FRAS1: variants seen among roughly 807,000 people sequenced by gnomAD.
The protein encoded by FRAS1 is extracellular matrix organizing protein FRAS1.
A neutral mutation model predicts 435.2 loss-of-function variants in FRAS1; 290 were observed. The observed-to-expected ratio is 0.67, with a 90% CI of 0.61 to 0.73. FRAS1 has a LOEUF of 0.73. Ranked by LOEUF, FRAS1 falls within the 30% of genes least tolerant of loss-of-function variation. FRAS1 has a pLI of 0.00. For missense variants in FRAS1, 4,860 were observed against 5,001.5 expected (o/e 0.97, Z 0.85); for synonymous variants, 1,800 against 1,851.0 (o/e 0.97, Z 0.71).
chr4:78,389,199 G>T (rs964710976), intron 29 of FRAS1, among the ~76,000 whole-genome samples: 3 of 152,218 alleles, frequency 2.0e-5, no homozygotes, highest in Non-Finnish European at 2.9e-5. Context: ...CCTTTACTCA[G>T]TTGCATCAAG....
intron 2 of FRAS1, among the ~76,000 whole-genome samples, chr4:78,120,675 C>G (rs1718959146): frequency 6.6e-6 from 1 of 152,116 alleles, no homozygotes; most frequent in Admixed American, 6.6e-5. Flanking sequence ...AGGATTATTT[C>G]AATGAAGGAT....
At chr4:78,375,691 C>T (rs372721551) in intron 25 of FRAS1, 48 bp from the exon 26 acceptor site, 58 of 1,494,052 alleles carry the variant, frequency 3.9e-5, no homozygotes, top group Non-Finnish European at 5.1e-5. Context: ...TTCTTTGTCG[C>T]TGGTGTTGCC....
intron 27 of FRAS1, 84 bp downstream of exon 27, chr4:78,380,080 C>A (rs1279217901): frequency 2.1e-6 from 3 of 1,443,094 alleles, no homozygotes; most frequent in Non-Finnish European, 2.8e-6. Flanking sequence ...GCCTCTCTGT[C>A]TCAATAGCTA....
Position 78,383,012 on chromosome 4 carries a change from G to A in FRAS1, c.3564-1047G>A, listed in dbSNP as rs9996389. Reference sequence around the variant, plus strand: ...CTTCTAAAGAACTTTTAAAACAATGGTCCCTCTAGTAGACTAGAATTCAAA... The same window carrying A: ...CTTCTAAAGAACTTTTAAAACAATGATCCCTCTAGTAGACTAGAATTCAAA... On this transcript the variant is annotated intron_variant, in intron 27 of 73. Coordinates refer to ENST00000512123, the MANE Select transcript of FRAS1 (RefSeq NM_025074.7). 2.9e-3 allele frequency among the ~76,000 whole-genome samples: 438 copies of A among 152,180 alleles called. 2 individuals carry two copies. The highest frequency in any genetic ancestry group is 5.4e-3 in the Non-Finnish European group (368 of 68,008).
chr4:78,411,398 C>G (rs1467702118), intron 31 of FRAS1, among the ~76,000 whole-genome samples: 3 of 152,084 alleles, frequency 2.0e-5, no homozygotes, highest in Non-Finnish European at 4.4e-5. Context: ...AGGCGTGAGC[C>G]ACCCCGTCCA....
chr4:78,072,639 AC>A (rs1278014858), intron 2 of FRAS1, among the ~76,000 whole-genome samples: 1 of 152,018 alleles, frequency 6.6e-6, no homozygotes. Context: ...ATTTCTTAAT[AC>A]CCTTGTATTG....
At chr4:78,148,138 G>A (rs548979117) in intron 2 of FRAS1, among the ~76,000 whole-genome samples, 1 of 151,982 alleles carries the variant, frequency 6.6e-6, no homozygotes, top group African/African-American at 2.4e-5. Flanking sequence ...TGGGATTGTT[G>A]ATTTTTTTTT....
intron 7 of FRAS1, among the ~76,000 whole-genome samples, chr4:78,265,964 C>A (rs1269029510): frequency 6.6e-6 from 1 of 152,156 alleles, no homozygotes. Context: ...TGCTGCCTGA[C>A]ACAGTGGCCA....
rs141167149 is a variant in FRAS1 at position 78,319,644 on chromosome 4, A to T, written c.2137+658A>T. On this transcript the variant is annotated intron_variant, in intron 18 of 73. Transcript: ENST00000512123. ...ATGTTCATTAAAAAAATTTTATAAT[A>T]CACCCACTACCTAAACCCAATTGCC... 1.9e-3 allele frequency: 561 copies of T among 290,352 alleles called. 4 individuals carry two copies. Among genetic ancestry groups the T allele is most frequent in the African/African-American group, 0.011 (522 of 46,078 alleles). 18.0% of individuals were successfully genotyped at this position (290,352 alleles called of 1,614,324 possible).
rs117698132 is a variant in FRAS1 at position 78,514,244 on chromosome 4, C to T, written c.10174+692C>T. Among the ~76,000 whole-genome samples, 29 of 152,334 alleles carry T rather than the reference C, an allele frequency of 1.9e-4. No homozygotes were observed. In the East Asian group the frequency reaches 3.5e-3, roughly 18 times the overall value. On this transcript the variant is annotated intron_variant, in intron 65 of 73. Coordinates refer to ENST00000512123, the MANE Select transcript of FRAS1 (RefSeq NM_025074.7). Reference sequence around the variant, plus strand: ...GCAGGCTGCCCCGCAAGGGCATGACCTTGGGCTGAGCCAATATGCAGCTGA... The same window carrying T: ...GCAGGCTGCCCCGCAAGGGCATGACTTTGGGCTGAGCCAATATGCAGCTGA...
In FRAS1 at chr4:78,373,446, CTAATAATAATAATAA is replaced by C. The variant is rs3086797; in HGVS notation, c.3010+615_3011-624del. On this transcript the variant is annotated intron_variant, in intron 24 of 73. Transcript: ENST00000512123. ...GCAAAACAGTACTGAGAGCCAAGGA[CTAATAATAATAATAA>C]TAATAATAATAATAATAATAATAAT... Among the ~76,000 whole-genome samples, 53 of 138,914 alleles carry C rather than the reference CTAATAATAATAATAA, an allele frequency of 3.8e-4. No homozygotes were observed. In the East Asian group the frequency reaches 4.6e-3, roughly 12 times the overall value. 91.1% of individuals were successfully genotyped at this position (138,914 alleles called of 152,430 possible). A position where few individuals can be genotyped will look rare whatever the true frequency, so the allele number is the denominator to read the frequency against.
chr4:78,281,505 C>T, intron 11 of FRAS1, 72 bp downstream of exon 11: 1 of 947,950 alleles, frequency 1.1e-6, no homozygotes, highest in East Asian at 2.9e-5. Flanking sequence ...CATGAAATAT[C>T]ATGGGGAAAC....
At chr4:78,122,006 C>G (rs1056156997) in intron 2 of FRAS1, among the ~76,000 whole-genome samples, 1 of 152,116 alleles carries the variant, frequency 6.6e-6, no homozygotes, top group African/African-American at 2.4e-5. Flanking sequence ...ACTTTAAGTT[C>G]TGGGTTACAT....
intron 38 of FRAS1, among the ~76,000 whole-genome samples, chr4:78,433,302 G>A (rs1295853553): frequency 3.9e-5 from 6 of 152,288 alleles, no homozygotes; most frequent in South Asian, 4.1e-4. Flanking sequence ...TTACAGTTAT[G>A]TATGTTGTAA....
rs140338976 is a variant in FRAS1 at position 78,290,669 on chromosome 4, C to T, written c.1534+4130C>T. On this transcript the variant is annotated intron_variant, in intron 14 of 73. Transcript: ENST00000512123. ...TTCACCATATTAGCCAGGCTGGTGTCGAACTCCTGACCTCAAGTGATCTGC... is the reference window on the plus strand; with the variant it reads ...TTCACCATATTAGCCAGGCTGGTGTTGAACTCCTGACCTCAAGTGATCTGC... Among the ~76,000 whole-genome samples, 732 of 152,044 alleles carry T rather than the reference C, an allele frequency of 4.8e-3. 6 individuals carry two copies. Among genetic ancestry groups the T allele is most frequent in the African/African-American group, 0.016 (672 of 41,482 alleles).
intron 69 of FRAS1, among the ~76,000 whole-genome samples, chr4:78,523,975 C>G (rs1217626494): frequency 6.6e-6 from 1 of 152,210 alleles, no homozygotes; most frequent in Non-Finnish European, 1.5e-5. Context: ...TCAGCCCTTG[C>G]TGCTCTTTTC....
intron 2 of FRAS1, among the ~76,000 whole-genome samples, chr4:78,234,619 A>C (rs182969048): frequency 9.8e-5 from 15 of 152,354 alleles, no homozygotes; most frequent in Admixed American, 3.3e-4. Context: ...TAGCAATAAA[A>C]AGAAAGAAAT....
At position 78,430,268 on chromosome 4, in the gene FRAS1, C is replaced by T. The variant is rs373622804; in HGVS notation, c.4844-24C>T. ...CTTTAACATACGCTTTCTCTCTCAC[C>T]ACGCTTCCTTCTCCTTGCTGCAGGA... On this transcript the variant is annotated intron_variant, in intron 36 of 73. Coordinates refer to ENST00000512123, the MANE Select transcript of FRAS1 (RefSeq NM_025074.7). 1.6e-5 allele frequency: 26 copies of T among 1,613,446 alleles called. No individual in the cohort carries two copies. In the African/African-American group the frequency reaches 3.5e-4, roughly 22 times the overall value.
rs550363275 is a variant in FRAS1, at chr4:78,507,585, C to T, written c.9481C>T (p.Leu3161Phe). 1 of 1,601,038 alleles carries T rather than the reference C, an allele frequency of 6.2e-7. No homozygotes were observed. Among genetic ancestry groups the T allele is most frequent in the East Asian group, 2.3e-5 (1 of 44,378 alleles). The part of the protein sequence containing the change: ...TILDQEAAGS[L>F]ILPAPPIVVT... Reference sequence around the variant, plus strand: ...TCTAGACCAGGAGGCAGCAGGGAGCCTCATATTGCCAGCACCACCCATTGT... The same window carrying T: ...TCTAGACCAGGAGGCAGCAGGGAGCTTCATATTGCCAGCACCACCCATTGT... The change falls in exon 62 of 74, where the codon CTC (leucine) becomes TTC (phenylalanine). Residue 3161 changes from leucine to phenylalanine, a missense_variant. Coordinates refer to ENST00000512123, the MANE Select transcript of FRAS1 (RefSeq NM_025074.7).
Sources: allele counts gnomAD v4.1 joint callset (sites outside exome capture counted in the v4.1 genomes callset), GRCh38; gene constraint gnomAD v4.1.1; transcripts MANE v1.5; gene names NCBI Gene and HGNC (gene_info 2026-07-23, HGNC 2026-07-21).